The following MPPED1 variants were observed in gnomAD, a reference collection of about 807,000 sequenced individuals.
MPPED1 encodes the protein metallophosphoesterase domain containing 1, also known as metallophosphoesterase domain-containing protein 1.
Under a neutral mutation model 36.2 loss-of-function variants are expected in MPPED1, and 16 were observed. The observed-to-expected ratio is 0.44, with a 90% confidence interval of 0.30 to 0.67. The LOEUF is 0.67. Among genes scored for constraint, MPPED1 ranks in the 30% least tolerant of loss-of-function variants. MPPED1 has a pLI of 0.10. For synonymous variants in MPPED1, 199 were observed against 191.3 expected, an observed-to-expected ratio of 1.04 and a Z score of -0.33; for missense variants, 307 against 453.4, an observed-to-expected ratio of 0.68 and a Z score of 2.93.
chr22:43,454,485 T>C (rs1930685501), intron 3 of MPPED1, among the ~76,000 whole-genome samples: 1 of 151,526 alleles, frequency 6.6e-6, no homozygotes, highest in African/African-American at 2.4e-5. Flanking sequence ...TTTGAATTTT[T>C]GTAGAGACAA....
chr22:43,501,078 A>G (rs1269083337), intron 5 of MPPED1, among the ~76,000 whole-genome samples: 1 of 152,124 alleles, frequency 6.6e-6, no homozygotes, highest in African/African-American at 2.4e-5. Flanking sequence ...GCCTCCTCAC[A>G]AAGTCCAGGA....
Position 43,425,087 on chromosome 22 carries a change from C to A in MPPED1, c.102C>A (p.Ala34=). Residue 34 remains alanine (A), a synonymous_variant, in exon 2 of 7, where the codon GCC becomes GCA. Transcript: ENST00000443721. ...GMAFSQSHVM[A]ARRHQHSRLI... ...CATTCTCCCAGTCCCACGTGATGGC[C>A]GCTCGGCGGCACCAGCACAGCCGGC... is the stretch of plus-strand genomic sequence containing the variant. 6.2e-7 allele frequency: 1 copy of A among 1,613,742 alleles called. No homozygotes were observed. Among genetic ancestry groups the A allele is most frequent in the Non-Finnish European group, 8.5e-7 (1 of 1,179,886 alleles).
intron 3 of MPPED1, among the ~76,000 whole-genome samples, chr22:43,453,983 T>C (rs1303693623): frequency 6.6e-6 from 1 of 152,102 alleles, no homozygotes; most frequent in East Asian, 1.9e-4. Context: ...ACCATTCTAC[T>C]TTCTTTTTTA....
At chr22:43,467,847 C>T (rs746904611) in intron 3 of MPPED1, among the ~76,000 whole-genome samples, 1 of 152,164 alleles carries the variant, frequency 6.6e-6, no homozygotes, top group Non-Finnish European at 1.5e-5. Flanking sequence ...GGAATGGCAT[C>T]GATGGTGGAG....
At chr22:43,461,282 C>T (rs1930949813) in intron 3 of MPPED1, among the ~76,000 whole-genome samples, 1 of 152,140 alleles carries the variant, frequency 6.6e-6, no homozygotes, top group African/African-American at 2.4e-5. Flanking sequence ...CTGTTTTTCC[C>T]CCTCCTGTGA....
In MPPED1 at chr22:43,424,957, G is replaced by A. The variant is rs1439569875; in HGVS notation, c.-29G>A. On this transcript the variant is annotated 5_prime_UTR_variant, in exon 2 of 7. Coordinates refer to ENST00000443721, the MANE Select transcript of MPPED1 (RefSeq NM_001044370.2). ...CCGGGCTGCGGTGGCGGCAGCGGTG[G>A]GAGATGCCGGGGCGGCCGGCGGAGG... is the stretch of plus-strand genomic sequence containing the variant. 6.4e-7 allele frequency: 1 copy of A among 1,555,310 alleles called. No homozygotes were observed. Among genetic ancestry groups the A allele is most frequent in the South Asian group, 1.2e-5 (1 of 84,884 alleles).
chr22:43,453,561 G>A (rs1351358557), intron 3 of MPPED1, among the ~76,000 whole-genome samples: 1 of 152,106 alleles, frequency 6.6e-6, no homozygotes, highest in Non-Finnish European at 1.5e-5. Context: ...GATGAGGTGG[G>A]CCAGGACTCT....
At chr22:43,471,910 G>A (rs1030573408) in intron 3 of MPPED1, among the ~76,000 whole-genome samples, 1 of 152,228 alleles carries the variant, frequency 6.6e-6, no homozygotes, top group Admixed American at 6.5e-5. Flanking sequence ...GGTGGAAGGG[G>A]CTTGTAGAAT....
chr22:43,486,412 C>T (rs939194692), intron 4 of MPPED1, among the ~76,000 whole-genome samples: 1 of 152,074 alleles, frequency 6.6e-6, no homozygotes, highest in East Asian at 1.9e-4. Context: ...GGGTGGGGAT[C>T]AGGACAGAGA....
chr22:43,487,716 CT>C (rs1459063294), intron 4 of MPPED1, among the ~76,000 whole-genome samples: 1 of 152,208 alleles, frequency 6.6e-6, no homozygotes, highest in Non-Finnish European at 1.5e-5. Flanking sequence ...TGTGTGTCAG[CT>C]GCCAGCTTGG....
intron 5 of MPPED1, among the ~76,000 whole-genome samples, chr22:43,501,359 C>T (rs78252014): frequency 0.024 from 3,713 of 152,260 alleles, 63 homozygotes; most frequent in Middle Eastern, 0.075. Context: ...CCTCTTCTAT[C>T]TTTCCTCCCC....
intron 2 of MPPED1, among the ~76,000 whole-genome samples, chr22:43,429,708 C>G (rs1253659751): frequency 6.6e-6 from 1 of 152,140 alleles, no homozygotes; most frequent in Non-Finnish European, 1.5e-5. Flanking sequence ...TGCCTGGTGC[C>G]TAGCACAGGG....
chr22:43,504,312 G>A (rs1932772616), intron 6 of MPPED1, among the ~76,000 whole-genome samples: 1 of 152,014 alleles, frequency 6.6e-6, no homozygotes, highest in African/African-American at 2.4e-5. Context: ...TGGTGTTGGT[G>A]GTGATGATCA....
chr22:43,460,273 C>CA (rs978100880), intron 3 of MPPED1, among the ~76,000 whole-genome samples: 1 of 146,914 alleles, frequency 6.8e-6, no homozygotes, highest in African/African-American at 2.5e-5. Flanking sequence ...ACCCCCCCCC[C>CA]CAAACCCAAA....
chr22:43,431,610 G>A (rs112943139), intron 2 of MPPED1, among the ~76,000 whole-genome samples: 1 of 152,166 alleles, frequency 6.6e-6, no homozygotes, highest in Non-Finnish European at 1.5e-5. Flanking sequence ...AACTCCTGTA[G>A]CTAAGATCAT....
chr22:43,425,236 G>C, intron 2 of MPPED1, 27 bp downstream of exon 2: 1 of 1,568,412 alleles, frequency 6.4e-7, no homozygotes, highest in Non-Finnish European at 8.7e-7. Context: ...GGGTGGGGGT[G>C]GGGGCGGTGA....
intron 2 of MPPED1, 23 bp from the exon 3 acceptor site, chr22:43,435,011 C>T (rs748614496): frequency 2.5e-5 from 41 of 1,608,224 alleles, no homozygotes; most frequent in Admixed American, 5.0e-5. Context: ...CCTCCTGATC[C>T]GCAGTGTCAT....
intron 3 of MPPED1, among the ~76,000 whole-genome samples, chr22:43,447,971 C>T (rs192219180): frequency 0.037 from 5,520 of 148,664 alleles, 361 homozygotes; most frequent in African/African-American, 0.13. Flanking sequence ...CTCTGCCTCC[C>T]GGGTTCAAGC....
At chr22:43,465,894 C>T (rs780294917) in intron 3 of MPPED1, among the ~76,000 whole-genome samples, 9 of 152,110 alleles carry the variant, frequency 5.9e-5, no homozygotes, top group East Asian at 3.9e-4. Flanking sequence ...CTGGGGAAGC[C>T]GGGGGCCACC....
Sources: allele counts gnomAD v4.1 joint callset (sites outside exome capture counted in the v4.1 genomes callset), GRCh38; gene constraint gnomAD v4.1.1; transcripts MANE v1.5; gene names NCBI Gene and HGNC (gene_info 2026-07-23, HGNC 2026-07-21).